SMIM35: variants seen among roughly 807,000 people sequenced by gnomAD.
SMIM35 encodes small integral membrane protein 35.
chr11:118,052,025 A>G (rs903819179), intron 1 of SMIM35, among the ~76,000 whole-genome samples: 4 of 152,120 alleles, frequency 2.6e-5, no homozygotes, highest in African/African-American at 9.7e-5. Context: ...CGCTGATGAC[A>G]TGAGAGGTGT....
At chr11:118,051,938 G>C (rs1351627722) in intron 1 of SMIM35, among the ~76,000 whole-genome samples, 2 of 152,162 alleles carry the variant, frequency 1.3e-5, no homozygotes, top group Admixed American at 1.3e-4. Context: ...TGCTAGGTGT[G>C]AGGTCCCACC....
chr11:118,028,694 G>GA, intron 1 of SMIM35: 3 of 311,074 alleles, frequency 9.6e-6, no homozygotes, highest in Non-Finnish European at 1.9e-5. Flanking sequence ...AGGTGGAGAG[G>GA]AAAAAAGTCT....
chr11:118,085,787 A>G (rs899581786), intron 1 of SMIM35, among the ~76,000 whole-genome samples: 13 of 152,168 alleles, frequency 8.5e-5, no homozygotes, highest in African/African-American at 2.9e-4. Context: ...GCCATTGTCC[A>G]GGCATTGTCC....
intron 4 of SMIM35, among the ~76,000 whole-genome samples, chr11:118,007,331 T>C (rs561866789): frequency 1.3e-5 from 2 of 152,170 alleles, no homozygotes; most frequent in Admixed American, 1.3e-4. Context: ...AAACACAGCA[T>C]CAGGGGCTCA....
At chr11:118,056,314 G>A (rs1944308604) in intron 1 of SMIM35, among the ~76,000 whole-genome samples, 1 of 152,160 alleles carries the variant, frequency 6.6e-6, no homozygotes, top group African/African-American at 2.4e-5. Context: ...CAGGGGAGAG[G>A]TGGATAGGAC....
At chr11:118,084,345 C>T (rs148947852) in intron 1 of SMIM35, among the ~76,000 whole-genome samples, 29 of 152,298 alleles carry the variant, frequency 1.9e-4, no homozygotes, top group Admixed American at 1.0e-3. Flanking sequence ...ATGAAGCACT[C>T]GACGAGTTAT....
chr11:118,057,793 A>T (rs1226995212), intron 1 of SMIM35, among the ~76,000 whole-genome samples: 1 of 152,174 alleles, frequency 6.6e-6, no homozygotes, highest in Non-Finnish European at 1.5e-5. Context: ...GGGAGCTGGG[A>T]TTCTTTATGA....
At chr11:118,085,161 C>T (rs1177264877) in intron 1 of SMIM35, among the ~76,000 whole-genome samples, 1 of 151,992 alleles carries the variant, frequency 6.6e-6, no homozygotes, top group African/African-American at 2.4e-5. Context: ...GAAACTGGGT[C>T]CAGGAGCTGT....
At chr11:118,060,814 T>C (rs930988314) in intron 1 of SMIM35, among the ~76,000 whole-genome samples, 1 of 152,182 alleles carries the variant, frequency 6.6e-6, no homozygotes, top group South Asian at 2.1e-4. Context: ...CAGACATGGG[T>C]ACTCCCATCA....
intron 1 of SMIM35, among the ~76,000 whole-genome samples, chr11:118,064,967 C>T (rs962770788): frequency 1.3e-5 from 2 of 152,232 alleles, no homozygotes; most frequent in Admixed American, 1.3e-4. Flanking sequence ...AAACGCTAGC[C>T]TTCTCTGGGT....
chr11:118,030,290 C>T (rs535817102), intron 1 of SMIM35, among the ~76,000 whole-genome samples: 5 of 152,254 alleles, frequency 3.3e-5, no homozygotes, highest in African/African-American at 7.2e-5. Flanking sequence ...CCGCCTCAGC[C>T]ACCTAAAGTG....
intron 1 of SMIM35, among the ~76,000 whole-genome samples, chr11:118,018,892 A>G (rs533179151): frequency 1.4e-4 from 22 of 152,212 alleles, no homozygotes; most frequent in African/African-American, 5.1e-4. Context: ...AAAATATTTC[A>G]TGCATACAAG....
rs1241238048 is a variant in SMIM35, at chr11:118,078,174, G to A, written c.7+8577C>T. 5.9e-5 allele frequency among the ~76,000 whole-genome samples: 9 copies of A among 152,130 alleles called. No individual in the cohort carries two copies. In the South Asian group the frequency reaches 1.2e-3, roughly 21 times the overall value. The stretch of plus-strand genomic sequence containing the variant: ...TCCTCTGAATACCTGGAGCGTCTTC[G>A]CTGTCTTGGGGCAAAGAGAATCAAC... On this transcript the variant is annotated intron_variant, in intron 1 of 4. Coordinates refer to ENST00000689828, the MANE Select transcript of SMIM35 (RefSeq NM_001394165.1).
chr11:118,020,386 A>T (rs2058218332), intron 1 of SMIM35, among the ~76,000 whole-genome samples: 1 of 152,184 alleles, frequency 6.6e-6, no homozygotes, highest in Admixed American at 6.5e-5. Context: ...CTTTCTTGTG[A>T]ATTTGGGAAT....
chr11:118,086,068 C>T (rs1945532049), intron 1 of SMIM35, among the ~76,000 whole-genome samples: 1 of 152,234 alleles, frequency 6.6e-6, no homozygotes, highest in Non-Finnish European at 1.5e-5. Context: ...TTTAATTTAG[C>T]CCAAGGGGCA....
At chr11:118,069,643 A>G (rs1944539283) in intron 1 of SMIM35, among the ~76,000 whole-genome samples, 1 of 152,184 alleles carries the variant, frequency 6.6e-6, no homozygotes, top group Admixed American at 6.5e-5. Flanking sequence ...CATGTGTCGG[A>G]AACTTAATCT....
At position 118,060,727 on chromosome 11, in the gene SMIM35, C is replaced by T. The variant is rs1429060171; in HGVS notation, c.7+26024G>A. Among the ~76,000 whole-genome samples, 8 of 152,274 alleles carry T rather than the reference C, an allele frequency of 5.3e-5. No homozygotes were observed. The East Asian group carries it at 1.5e-3, about 29-fold the overall frequency. ...CCTCTGGCTGTTCCCCTCGCCACCCCTTCCTCTAATTCCCTGCCAGCTCCA... is the reference window on the plus strand; with the variant it reads ...CCTCTGGCTGTTCCCCTCGCCACCCTTTCCTCTAATTCCCTGCCAGCTCCA... On this transcript the variant is annotated intron_variant, in intron 1 of 4. Coordinates refer to ENST00000689828, the MANE Select transcript of SMIM35 (RefSeq NM_001394165.1).
intron 1 of SMIM35, among the ~76,000 whole-genome samples, chr11:118,072,895 A>G (rs1944594092): frequency 6.6e-6 from 1 of 152,158 alleles, no homozygotes; most frequent in Admixed American, 6.5e-5. Context: ...GGCACCAAAC[A>G]CTTCACATGG....
chr11:118,047,665 G>GTGGACGGAGAAGCCCCA (rs1370269675), intron 1 of SMIM35, among the ~76,000 whole-genome samples: 1 of 152,240 alleles, frequency 6.6e-6, no homozygotes, highest in Non-Finnish European at 1.5e-5. Flanking sequence ...GAAGGATTTA[G>GTGGACGGAGAAGCCCCA]TGGACGGAGA....
Sources: allele counts gnomAD v4.1 joint callset (sites outside exome capture counted in the v4.1 genomes callset), GRCh38; gene constraint gnomAD v4.1.1; transcripts MANE v1.5; gene names NCBI Gene and HGNC (gene_info 2026-07-23, HGNC 2026-07-21).